VPS13B: variants seen among roughly 807,000 people sequenced by gnomAD.
The protein encoded by VPS13B is intermembrane lipid transfer protein VPS13B.
Under a neutral mutation model 426.4 loss-of-function variants are expected in VPS13B, and 285 were observed. The ratio of observed to expected loss-of-function variants is 0.67; its 90% CI spans 0.61 to 0.74. VPS13B has a LOEUF of 0.74. Ranked by LOEUF, VPS13B falls within the 30% of genes least tolerant of loss-of-function variation. The probability of loss-of-function intolerance (pLI) is 0.00; values close to 1 mark genes in which losing one functional copy is unlikely to be tolerated. For synonymous variants in VPS13B, 1,676 were observed against 1,676.4 expected (o/e 1.00, Z 0.01); for missense variants, 4,537 against 4,782.6 (o/e 0.95, Z 1.51).
At chr8:99,341,115 G>A (rs1811220232) in intron 19 of VPS13B, 2 of 272,860 alleles carry the variant, frequency 7.3e-6, no homozygotes, top group African/African-American at 2.3e-5. Context: ...ACAAAGGTCA[G>A]CATTCTTTTC....
intron 25 of VPS13B, among the ~76,000 whole-genome samples, chr8:99,483,441 A>T (rs548074385): frequency 6.6e-6 from 1 of 152,294 alleles, no homozygotes; most frequent in South Asian, 2.1e-4. Context: ...GCAGTAAAAA[A>T]AGCTATTTAA....
At chr8:99,218,325 A>G (rs766899540) in intron 17 of VPS13B, among the ~76,000 whole-genome samples, 7 of 152,208 alleles carry the variant, frequency 4.6e-5, no homozygotes, top group Admixed American at 3.9e-4. Context: ...AAGTTTGCTG[A>G]TCCTTGGTCT....
chr8:99,035,098 G>A (rs1315828342), intron 2 of VPS13B, among the ~76,000 whole-genome samples: 1 of 152,150 alleles, frequency 6.6e-6, no homozygotes, highest in Non-Finnish European at 1.5e-5. Context: ...GCATGCTGAG[G>A]TGGGAGAGCC....
intron 43 of VPS13B, among the ~76,000 whole-genome samples, chr8:99,788,967 C>T (rs1812409388): frequency 6.6e-6 from 1 of 152,176 alleles, no homozygotes; most frequent in African/African-American, 2.4e-5. Context: ...TGAGAAATGA[C>T]AGATAATAGT....
At chr8:99,813,006 G>A (rs1588736405) in intron 44 of VPS13B, among the ~76,000 whole-genome samples, 1 of 152,122 alleles carries the variant, frequency 6.6e-6, no homozygotes, top group East Asian at 1.9e-4. Flanking sequence ...TTAAGTAGCT[G>A]TCTTCAACTG....
intron 21 of VPS13B, among the ~76,000 whole-genome samples, chr8:99,418,502 TCTTTCTTTCTTTC>T (rs1422361517): frequency 1.5e-5 from 2 of 137,526 alleles, no homozygotes; most frequent in African/African-American, 2.8e-5. Flanking sequence ...TTTCTTTCTT[TCTTTCTTTCTTTC>T]CTTTCTTTCT....
At position 99,252,382 on chromosome 8, in the gene VPS13B, T is replaced by C. The variant is rs183121622; in HGVS notation, c.2516-21816T>C. Among the ~76,000 whole-genome samples, 25 of 152,218 alleles carry C rather than the reference T, an allele frequency of 1.6e-4. No homozygotes were observed. In the East Asian group the frequency reaches 4.8e-3, roughly 29 times the overall value. On this transcript the variant is annotated intron_variant, in intron 17 of 61. Transcript: ENST00000357162. ...TTCTTACTATTTTTTAAAAAATTGA[T>C]TTCTAATTTGAATCTAATGTGGTCT... is the stretch of plus-strand genomic sequence containing the variant.
chr8:99,875,939 A>ACCT lies in VPS13B; in HGVS notation c.*275_*277dup. 1 of 485,412 alleles carries ACCT rather than the reference A, an allele frequency of 2.1e-6. No individual in the cohort carries two copies. The highest frequency in any genetic ancestry group is 3.7e-6 in the Non-Finnish European group (1 of 267,842). The allele number at this position is 485,412 out of a possible 1,614,324, so 30.1% of individuals were successfully genotyped here. A position where few individuals can be genotyped will look rare whatever the true frequency, so the allele number is the denominator to read the frequency against. On this transcript the variant is annotated 3_prime_UTR_variant, in exon 62 of 62. Transcript: ENST00000357162. ...CAACAGTTTCCTTATTTACATCCTT[A>ACCT]CCTCTAAAAGATACTTCAAAGTGAC...
chr8:99,436,624 C>T (rs909731420), intron 22 of VPS13B, among the ~76,000 whole-genome samples: 1 of 152,096 alleles, frequency 6.6e-6, no homozygotes, highest in Non-Finnish European at 1.5e-5. Flanking sequence ...GTTAAACATA[C>T]TATATATTTA....
chr8:99,231,799 C>T (rs1216949181), intron 17 of VPS13B, among the ~76,000 whole-genome samples: 2 of 152,074 alleles, frequency 1.3e-5, no homozygotes, highest in Admixed American at 1.3e-4. Context: ...ACGCCCTGGG[C>T]CAACAACCTT....
intron 4 of VPS13B, among the ~76,000 whole-genome samples, chr8:99,100,687 A>G (rs7822399): frequency 6.6e-6 from 1 of 152,108 alleles, no homozygotes; most frequent in Admixed American, 6.5e-5. Context: ...TTATACTTCT[A>G]TGCTATTTTT....
chr8:99,176,921 T>G (rs909722081), intron 16 of VPS13B, among the ~76,000 whole-genome samples: 1 of 152,184 alleles, frequency 6.6e-6, no homozygotes, highest in Non-Finnish European at 1.5e-5. Flanking sequence ...TTAAAAAATT[T>G]CAAGAGAACA....
chr8:99,027,076 A>G (rs1842177904), intron 2 of VPS13B, among the ~76,000 whole-genome samples: 1 of 151,968 alleles, frequency 6.6e-6, no homozygotes, highest in South Asian at 2.1e-4. Context: ...GGGTTTCACC[A>G]CGTTGGCCAG....
chr8:99,627,519 G>A (rs954851981), intron 33 of VPS13B, among the ~76,000 whole-genome samples: 7 of 152,102 alleles, frequency 4.6e-5, no homozygotes, highest in African/African-American at 1.7e-4. Flanking sequence ...AAGTAGCTGA[G>A]ATTACAGGGG....
At chr8:99,068,248 C>CT (rs1844650826) in intron 3 of VPS13B, among the ~76,000 whole-genome samples, 1 of 152,212 alleles carries the variant, frequency 6.6e-6, no homozygotes, top group East Asian at 1.9e-4. Context: ...AAATTTTGTG[C>CT]TTTTTTCTTC....
At chr8:99,546,539 C>G (rs1823986846) in intron 30 of VPS13B, among the ~76,000 whole-genome samples, 1 of 152,016 alleles carries the variant, frequency 6.6e-6, no homozygotes, top group African/African-American at 2.4e-5. Flanking sequence ...TCATCAGCAT[C>G]TGTAAAATGA....
chr8:99,871,037 A>T, intron 60 of VPS13B, 150 bp downstream of exon 60: 1 of 801,614 alleles, frequency 1.2e-6, no homozygotes, highest in South Asian at 1.5e-5. Context: ...AGAGCACTGT[A>T]GAGGGACAGG....
chr8:99,835,706 G>T lies in VPS13B; in HGVS notation c.9910G>T (p.Asp3304Tyr). 2 of 1,614,112 alleles carry T rather than the reference G, an allele frequency of 1.2e-6. No homozygotes were observed. Among genetic ancestry groups the T allele is most frequent in the Non-Finnish European group, 1.7e-6 (2 of 1,180,014 alleles). ...PLDEVTTEWS[D>Y]AIDINSQGTQ... is the part of the protein sequence containing the mutation. ...AGATGAAGTAACAACTGAGTGGAGT[G>T]ATGCCATTGACATCAACAGTCAGGG... Residue 3304 changes from aspartate (D) to tyrosine (Y), a missense_variant, in exon 54 of 62, where the codon GAT (aspartate) becomes TAT (tyrosine). Physicochemically the swap from Asp to Tyr is radical, Grantham distance 160. Coordinates refer to ENST00000357162, the MANE Select transcript of VPS13B (RefSeq NM_152564.5).
intron 42 of VPS13B, among the ~76,000 whole-genome samples, chr8:99,783,170 G>T (rs1406338096): frequency 6.6e-6 from 1 of 152,138 alleles, no homozygotes; most frequent in African/African-American, 2.4e-5. Flanking sequence ...ACATTCATCT[G>T]TAGTCTCCTT....
Sources: gnomAD v4.1 joint callset for allele counts (sites outside exome capture counted in the v4.1 genomes callset) on GRCh38, gnomAD v4.1.1 for gene constraint, MANE v1.5 for transcripts, NCBI Gene and HGNC (gene_info 2026-07-23, HGNC 2026-07-21) for gene names.